Variants in DLC1 observed in about 807,000 individuals in gnomAD.
The protein encoded by DLC1 is DLC1 Rho GTPase activating protein.
Under a neutral mutation model 140.3 loss-of-function variants are expected in DLC1, and 54 were observed. The observed-to-expected ratio is 0.38, with a 90% CI of 0.31 to 0.48. DLC1 has a LOEUF of 0.48. Ranked by LOEUF, DLC1 falls within the 20% of genes least tolerant of loss-of-function variation. DLC1 has a pLI of 0.96. For missense variants in DLC1, 2,536 were observed against 1,907.0 expected (o/e 1.33, Z -6.14); for synonymous variants, 986 against 728.1 (o/e 1.35, Z -5.70).
At chr8:13,419,411 G>C (rs1354652525) in intron 2 of DLC1, among the ~76,000 whole-genome samples, 3 of 152,126 alleles carry the variant, frequency 2.0e-5, no homozygotes, top group Non-Finnish European at 4.4e-5. Context: ...TTTATTGAGA[G>C]TTTTTAGCAT....
chr8:13,142,374 G>C (rs532596880), intron 5 of DLC1, among the ~76,000 whole-genome samples: 1 of 152,108 alleles, frequency 6.6e-6, no homozygotes, highest in Non-Finnish European at 1.5e-5. Flanking sequence ...TGAACAAACA[G>C]CTATTTCTCT....
chr8:13,164,318 C>A (rs1824943243), intron 5 of DLC1, among the ~76,000 whole-genome samples: 1 of 147,794 alleles, frequency 6.8e-6, no homozygotes, highest in African/African-American at 2.5e-5. Flanking sequence ...ATCTCTATAT[C>A]TATCTATCTA....
chr8:13,587,860 G>A (rs1041789588), intron 1 of DLC1, among the ~76,000 whole-genome samples: 1 of 146,216 alleles, frequency 6.8e-6, no homozygotes, highest in Non-Finnish European at 1.5e-5. Context: ...ATCATATCAT[G>A]CCCCAATTAC....
intron 5 of DLC1, among the ~76,000 whole-genome samples, chr8:13,157,575 A>C (rs1358004358): frequency 2.6e-5 from 4 of 152,178 alleles, no homozygotes; most frequent in Admixed American, 6.5e-5. Flanking sequence ...AACTGAACTA[A>C]TCTAAGCTGA....
chr8:13,400,487 C>T (rs1042487111), intron 3 of DLC1, among the ~76,000 whole-genome samples: 1 of 152,054 alleles, frequency 6.6e-6, no homozygotes, highest in African/African-American at 2.4e-5. Flanking sequence ...TATTATTTTG[C>T]CTATTCTGAA....
chr8:13,520,423 T>C (rs1469836205), intron 1 of DLC1, among the ~76,000 whole-genome samples: 1 of 151,522 alleles, frequency 6.6e-6, no homozygotes, highest in Non-Finnish European at 1.5e-5. Flanking sequence ...AGTTGAACAG[T>C]GGGAACTCAC....
chr8:13,398,295 A>G (rs956240246), intron 3 of DLC1, among the ~76,000 whole-genome samples: 1 of 37,846 alleles, frequency 2.6e-5, no homozygotes, highest in Non-Finnish European at 5.6e-5. Flanking sequence ...ACTCTTCCCC[A>G]TCACATCTCT....
chr8:13,294,119 C>G (rs995161110), intron 5 of DLC1, among the ~76,000 whole-genome samples: 5 of 152,170 alleles, frequency 3.3e-5, no homozygotes, highest in African/African-American at 1.2e-4. Context: ...ATTCCTCTGT[C>G]TCCGCAAACC....
chr8:13,413,493 T>C (rs1037555281), intron 2 of DLC1, among the ~76,000 whole-genome samples: 1 of 109,988 alleles, frequency 9.1e-6, no homozygotes, highest in African/African-American at 3.0e-5. Flanking sequence ...TGTGTGTGTG[T>C]GCACACATAT....
intron 5 of DLC1, among the ~76,000 whole-genome samples, chr8:13,177,818 G>T (rs890170334): frequency 6.6e-6 from 1 of 152,124 alleles, no homozygotes; most frequent in Non-Finnish European, 1.5e-5. Flanking sequence ...GCTGAATCAG[G>T]TGGAACTATT....
intron 5 of DLC1, among the ~76,000 whole-genome samples, chr8:13,121,611 T>C (rs1024510834): frequency 1.3e-5 from 2 of 152,162 alleles, no homozygotes; most frequent in East Asian, 1.9e-4. Flanking sequence ...TCTAGTGGCA[T>C]GATCACAGCT....
chr8:13,424,429 C>G (rs951657622), intron 2 of DLC1, among the ~76,000 whole-genome samples: 5 of 152,006 alleles, frequency 3.3e-5, no homozygotes, highest in Admixed American at 2.6e-4. Flanking sequence ...GCAGAGGTTG[C>G]AGTGAGCAGA....
At chr8:13,101,749 C>G (rs1182257179) in intron 8 of DLC1, among the ~76,000 whole-genome samples, 1 of 152,182 alleles carries the variant, frequency 6.6e-6, no homozygotes, top group East Asian at 1.9e-4. Flanking sequence ...CAAGGCTTCA[C>G]AAATACCCAG....
intron 1 of DLC1, among the ~76,000 whole-genome samples, chr8:13,586,977 T>G (rs993317372): frequency 2.0e-5 from 3 of 152,098 alleles, no homozygotes; most frequent in African/African-American, 7.2e-5. Context: ...AGGACCTTTT[T>G]AAACTTAGGG....
At chr8:13,257,779 A>G (rs1830303228) in intron 5 of DLC1, among the ~76,000 whole-genome samples, 1 of 151,940 alleles carries the variant, frequency 6.6e-6, no homozygotes, top group African/African-American at 2.4e-5. Flanking sequence ...TGCTGAAGGT[A>G]GAATGTTCTA....
chr8:13,545,813 T>C (rs1803632260), intron 1 of DLC1, among the ~76,000 whole-genome samples: 1 of 152,158 alleles, frequency 6.6e-6, no homozygotes, highest in Non-Finnish European at 1.5e-5. Context: ...TTAGAATTAT[T>C]ATATCATTAT....
chr8:13,155,436 G>T (rs1415295073), intron 5 of DLC1, among the ~76,000 whole-genome samples: 2 of 151,528 alleles, frequency 1.3e-5, no homozygotes, highest in African/African-American at 4.8e-5. Flanking sequence ...TATAATAAAT[G>T]TTCTAGTTTA....
chr8:13,452,273 C>G (rs1310881791), intron 2 of DLC1, among the ~76,000 whole-genome samples: 1 of 151,800 alleles, frequency 6.6e-6, no homozygotes, highest in Non-Finnish European at 1.5e-5. Context: ...AAGAATTGTA[C>G]TCAATCAGCT....
At chr8:13,322,131 A>T (rs1219405827) in intron 4 of DLC1, among the ~76,000 whole-genome samples, 1 of 152,186 alleles carries the variant, frequency 6.6e-6, no homozygotes, top group African/African-American at 2.4e-5. Flanking sequence ...ATAACAAGAA[A>T]AATTTAGAAT....
Sources: allele counts gnomAD v4.1 joint callset (sites outside exome capture counted in the v4.1 genomes callset), GRCh38; gene constraint gnomAD v4.1.1; transcripts MANE v1.5; gene names NCBI Gene and HGNC (gene_info 2026-07-23, HGNC 2026-07-21).